The following SMURF2 variants were observed in gnomAD, a reference collection of about 807,000 sequenced individuals.
SMURF2 encodes the protein SMAD specific E3 ubiquitin protein ligase 2.
In SMURF2, 48 loss-of-function variants were observed where a neutral mutation model predicts 109.6. That is an observed-to-expected ratio of 0.44 (90% CI 0.35 to 0.56). The LOEUF (loss-of-function observed/expected upper bound fraction) is 0.56. Among genes scored for constraint, SMURF2 ranks in the 20% least tolerant of loss-of-function variants. The pLI is 0.01. For missense variants in SMURF2, 575 were observed against 909.0 expected, an observed-to-expected ratio of 0.63 and a Z score of 4.72; for synonymous variants, 288 against 317.1, an observed-to-expected ratio of 0.91 and a Z score of 0.97.
At chr17:64,657,568 A>G (rs1970721428) in intron 1 of SMURF2, among the ~76,000 whole-genome samples, 1 of 151,550 alleles carries the variant, frequency 6.6e-6, no homozygotes, top group Non-Finnish European at 1.5e-5. Context: ...AGCCAGTCAC[A>G]GTGGCATGGA....
chr17:64,612,512 A>C (rs1186146968), intron 1 of SMURF2, among the ~76,000 whole-genome samples: 1 of 150,778 alleles, frequency 6.6e-6, no homozygotes, highest in Non-Finnish European at 1.5e-5. Flanking sequence ...AAAAATACAA[A>C]AAAAAAAAAA....
chr17:64,565,766 G>T (rs1294538770), intron 10 of SMURF2, among the ~76,000 whole-genome samples: 2 of 151,816 alleles, frequency 1.3e-5, no homozygotes, highest in Non-Finnish European at 2.9e-5. Context: ...AGATGACATG[G>T]GCACTCAGAG....
At chr17:64,564,434 G>C (rs977828828) in intron 10 of SMURF2, among the ~76,000 whole-genome samples, 1 of 152,174 alleles carries the variant, frequency 6.6e-6, no homozygotes. Context: ...GTTATGGGTT[G>C]AGCTGTGTGT....
chr17:64,575,457 C>G (rs1555685987), intron 9 of SMURF2, among the ~76,000 whole-genome samples: 1 of 151,774 alleles, frequency 6.6e-6, no homozygotes, highest in East Asian at 1.9e-4. Flanking sequence ...CCGGCCCCCA[C>G]TACTTTTTAA....
At chr17:64,659,514 AAC>A (rs1970746787) in intron 1 of SMURF2, among the ~76,000 whole-genome samples, 1 of 94,196 alleles carries the variant, frequency 1.1e-5, no homozygotes. Context: ...ACAAAGAATC[AAC>A]TTTTTTTTTT....
chr17:64,626,268 A>C (rs369005736), intron 1 of SMURF2, among the ~76,000 whole-genome samples: 95 of 151,912 alleles, frequency 6.3e-4, no homozygotes, highest in Middle Eastern at 6.8e-3. Flanking sequence ...CAAAAAAAAA[A>C]AAAAAACAAA....
chr17:64,549,756 T>C (rs1468165849), intron 16 of SMURF2, among the ~76,000 whole-genome samples: 1 of 152,024 alleles, frequency 6.6e-6, no homozygotes, highest in East Asian at 1.9e-4. Context: ...AGATTCTGTC[T>C]CCACAAATAA....
intron 16 of SMURF2, among the ~76,000 whole-genome samples, chr17:64,550,217 T>A (rs1448896865): frequency 2.6e-5 from 4 of 152,216 alleles, no homozygotes; most frequent in Non-Finnish European, 5.9e-5. Flanking sequence ...TGCTAACAGG[T>A]CTATTAACAG....
At chr17:64,566,561 G>GTTTTTTTTGTTTTTTTTTTTTTTTTTT (rs1969306621) in intron 10 of SMURF2, among the ~76,000 whole-genome samples, 1 of 43,784 alleles carries the variant, frequency 2.3e-5, no homozygotes, top group Non-Finnish European at 4.2e-5. Flanking sequence ...AAGCTTTCTG[G>GTTTTTTTTGTTTTTTTTTTTTTTTTTT]TTTTTTTTTT....
chr17:64,576,727 C>G (rs1969496569), intron 9 of SMURF2, among the ~76,000 whole-genome samples: 1 of 151,944 alleles, frequency 6.6e-6, no homozygotes, highest in Non-Finnish European at 1.5e-5. Context: ...TTAAGGAACA[C>G]ATAACAGAAC....
chr17:64,656,085 ATAGT>A (rs764595302), intron 1 of SMURF2, among the ~76,000 whole-genome samples: 8 of 152,246 alleles, frequency 5.3e-5, no homozygotes, highest in Non-Finnish European at 8.8e-5. Flanking sequence ...TGCAGGGGAA[ATAGT>A]TTATTAAACC....
chr17:64,621,947 C>G (rs1462865643), intron 1 of SMURF2, among the ~76,000 whole-genome samples: 1 of 129,810 alleles, frequency 7.7e-6, no homozygotes, highest in African/African-American at 3.5e-5. Context: ...AGTGAGCCAT[C>G]ATCGCAATAA....
intron 1 of SMURF2, among the ~76,000 whole-genome samples, chr17:64,621,903 A>AAATAAT (rs201565708): frequency 0.04 from 5,667 of 141,758 alleles, 144 homozygotes; most frequent in Admixed American, 0.073. Context: ...ATAAATAAAT[A>AAATAAT]AATAATAATA....
intron 1 of SMURF2, among the ~76,000 whole-genome samples, chr17:64,660,212 A>G (rs1230175427): frequency 1.3e-5 from 2 of 152,208 alleles, no homozygotes; most frequent in African/African-American, 4.8e-5. Flanking sequence ...TTTTCTCTAC[A>G]TAGCCCAGAG....
chr17:64,586,050 T>C (rs1234220853), intron 6 of SMURF2, 36 bp downstream of exon 6: 2 of 1,371,536 alleles, frequency 1.5e-6, no homozygotes, highest in African/African-American at 1.4e-5. Flanking sequence ...ATATTATCTA[T>C]ATATTTCTCT....
intron 1 of SMURF2, among the ~76,000 whole-genome samples, chr17:64,631,616 C>G (rs1301105094): frequency 6.6e-6 from 1 of 152,056 alleles, no homozygotes; most frequent in Non-Finnish European, 1.5e-5. Flanking sequence ...CTCCTAAAAT[C>G]TCCTCTCTCA....
At chr17:64,580,618 A>G (rs948309926) in intron 8 of SMURF2, among the ~76,000 whole-genome samples, 171 bp downstream of exon 8, 17 of 152,246 alleles carry the variant, frequency 1.1e-4, no homozygotes, top group African/African-American at 3.9e-4. Flanking sequence ...ACTGTTGGTT[A>G]GGTAGTCATC....
intron 9 of SMURF2, among the ~76,000 whole-genome samples, chr17:64,574,138 A>C (rs1487233860): frequency 6.6e-6 from 1 of 152,244 alleles, no homozygotes; most frequent in African/African-American, 2.4e-5. Flanking sequence ...GTTAAAAAAA[A>C]AATTAAAATA....
At chr17:64,601,340 A>G (rs1555688544) in intron 2 of SMURF2, among the ~76,000 whole-genome samples, 1 of 152,166 alleles carries the variant, frequency 6.6e-6, no homozygotes, top group African/African-American at 2.4e-5. Flanking sequence ...CAAACAAATC[A>G]GCAAGAAAAA....
Sources: gnomAD v4.1 joint callset for allele counts (sites outside exome capture counted in the v4.1 genomes callset) on GRCh38, gnomAD v4.1.1 for gene constraint, MANE v1.5 for transcripts, NCBI Gene and HGNC (gene_info 2026-07-23, HGNC 2026-07-21) for gene names.